TRIM6: variants seen among roughly 807,000 people sequenced by gnomAD.
TRIM6 encodes the protein tripartite motif-containing protein 6.
Under a neutral mutation model 51.2 loss-of-function variants are expected in TRIM6, and 43 were observed. The observed-to-expected ratio is 0.84, with a 90% CI of 0.66 to 1.08. The LOEUF is 1.08. TRIM6 is among the 50% of genes least tolerant of loss of function. The probability of loss-of-function intolerance (pLI) is 0.00; values close to 1 mark genes in which losing one functional copy is unlikely to be tolerated. For missense variants in TRIM6, 669 were observed against 619.0 expected (o/e 1.08, Z -0.86); for synonymous variants, 215 against 232.4 (o/e 0.93, Z 0.68).
rs577483608 is a variant in TRIM6, at chr11:5,599,375, C to G, written c.17+2461C>G. 4.1e-5 allele frequency among the ~76,000 whole-genome samples: 5 copies of G among 120,916 alleles called. No homozygotes were observed. In the Admixed American group the frequency reaches 4.8e-4, roughly 12 times the overall value. 79.3% of individuals were successfully genotyped at this position (120,916 alleles called of 152,430 possible). A position where few individuals can be genotyped will look rare whatever the true frequency, so the allele number is the denominator to read the frequency against. On this transcript the variant is annotated intron_variant, in intron 1 of 7. Coordinates refer to ENST00000380097, the MANE Select transcript of TRIM6 (RefSeq NM_001003818.3). ...TTTCAATTAAAATATAATACCAATACAATTATTATATTTATTTATTTATTT... is the reference window on the plus strand; with the variant it reads ...TTTCAATTAAAATATAATACCAATAGAATTATTATATTTATTTATTTATTT...
In TRIM6 at chr11:5,596,738, A is replaced by G. The variant is rs1847488655; in HGVS notation, c.-160A>G. ...AGGAGGGATCCCCTGCCTTTCTCGG[A>G]ACGGAACGGAGCAGAGTCGTGCGTG... On this transcript the variant is annotated 5_prime_UTR_variant, in exon 1 of 8. Coordinates refer to ENST00000380097, the MANE Select transcript of TRIM6 (RefSeq NM_001003818.3). 2.6e-6 allele frequency: 3 copies of G among 1,133,800 alleles called. No homozygotes were observed. Among genetic ancestry groups the G allele is most frequent in the Non-Finnish European group, 3.8e-6 (3 of 781,550 alleles). 70.2% of individuals were successfully genotyped at this position (1,133,800 alleles called of 1,614,324 possible).
chr11:5,602,233 G>A (rs1847906232), intron 1 of TRIM6, among the ~76,000 whole-genome samples: 1 of 152,066 alleles, frequency 6.6e-6, no homozygotes, highest in East Asian at 1.9e-4. Context: ...GAGGTCAGGA[G>A]ATCGAGACCA....
At chr11:5,600,838 A>G (rs926392844) in intron 1 of TRIM6, among the ~76,000 whole-genome samples, 2 of 152,196 alleles carry the variant, frequency 1.3e-5, no homozygotes, top group African/African-American at 4.8e-5. Flanking sequence ...TCACATAGGC[A>G]GTGTTAGCTG....
intron 5 of TRIM6, 42 bp from the exon 6 acceptor site, chr11:5,610,103 A>G (rs764345424): frequency 1.9e-6 from 3 of 1,610,272 alleles, no homozygotes; most frequent in Admixed American, 1.7e-5. Flanking sequence ...GGAGGAACCC[A>G]CAGTCAGCAG....
chr11:5,604,634 G>A lies in TRIM6; in HGVS notation c.603+5G>A. 1 of 1,609,650 alleles carries A rather than the reference G, an allele frequency of 6.2e-7. No homozygotes were observed. Among genetic ancestry groups the A allele is most frequent in the Non-Finnish European group, 8.5e-7 (1 of 1,178,342 alleles). On this transcript the variant is annotated splice_donor_5th_base_variant and intron_variant, in intron 3 of 7. Transcript: ENST00000380097. Reference sequence around the variant, plus strand: ...GAGAAGAAAACATCCTGGAAGGCAAGGGAGACTTTTTCTGAAGATGTCCTG... The same window carrying A: ...GAGAAGAAAACATCCTGGAAGGCAAAGGAGACTTTTTCTGAAGATGTCCTG...
rs927575328 is a variant in TRIM6, at chr11:5,610,043, G to T, written c.858-102G>T. 20 of 1,210,290 alleles carry T rather than the reference G, an allele frequency of 1.7e-5. No homozygotes were observed. The South Asian group carries it at 2.7e-4, about 16-fold the overall frequency. The allele number at this position is 1,210,290 out of a possible 1,614,324, so 75.0% of individuals were successfully genotyped here. A position where few individuals can be genotyped will look rare whatever the true frequency, so the allele number is the denominator to read the frequency against. On this transcript the variant is annotated intron_variant, in intron 5 of 7. Coordinates refer to ENST00000380097, the MANE Select transcript of TRIM6 (RefSeq NM_001003818.3). ...GAATGATGCTAAGTGTATTCAGAAA[G>T]GAGGATTGGAATTCATCAGTAGGCT...
Position 5,603,344 on chromosome 11 carries a change from A to C in TRIM6, c.116A>C (p.Glu39Ala). The stretch of plus-strand genomic sequence containing the variant: ...TCACCAGTACTGGTGGACATACGAG[A>C]AGAGGTGACCTGCCCTATCTGCCTG... ...MTSPVLVDIR[E>A]EVTCPICLEL... is the part of the protein sequence containing the mutation. Residue 39 changes from glutamate (E) to alanine (A), a missense_variant, in exon 2 of 8, where the codon GAA becomes GCA. Glu to Ala is a moderately radical substitution (Grantham distance 107, BLOSUM62 -1). Coordinates refer to ENST00000380097, the MANE Select transcript of TRIM6 (RefSeq NM_001003818.3). 1.2e-6 allele frequency: 2 copies of C among 1,613,876 alleles called. No homozygotes were observed. Among genetic ancestry groups the C allele is most frequent in the East Asian group, 2.2e-5 (1 of 44,846 alleles).
chr11:5,603,027 T>C (rs1847964074), intron 1 of TRIM6, among the ~76,000 whole-genome samples: 2 of 152,146 alleles, frequency 1.3e-5, no homozygotes, highest in African/African-American at 4.8e-5. Context: ...CCTCAGTTTG[T>C]CTCTATTCAA....
At chr11:5,598,050 C>T (rs552263532) in intron 1 of TRIM6, among the ~76,000 whole-genome samples, 83 of 152,224 alleles carry the variant, frequency 5.5e-4, no homozygotes, top group Admixed American at 1.2e-3. Context: ...TTAATTGGTC[C>T]CACCTGGTTG....
In TRIM6 at chr11:5,599,522, G is replaced by A. The variant is rs937369271; in HGVS notation, c.17+2608G>A. ...GGGTTCACGCCATTCTCCTGCCTCAGCCTCCCGAGTAGCTGGGACTACAGG... is the reference window on the plus strand; with the variant it reads ...GGGTTCACGCCATTCTCCTGCCTCAACCTCCCGAGTAGCTGGGACTACAGG... On this transcript the variant is annotated intron_variant, in intron 1 of 7. Coordinates refer to ENST00000380097, the MANE Select transcript of TRIM6 (RefSeq NM_001003818.3). Among the ~76,000 whole-genome samples, 6 of 152,002 alleles carry A rather than the reference G, an allele frequency of 3.9e-5. No individual in the cohort carries two copies. The East Asian group carries it at 9.6e-4, about 24-fold the overall frequency.
chr11:5,607,466 G>A (rs1848293516), intron 4 of TRIM6, among the ~76,000 whole-genome samples: 1 of 152,134 alleles, frequency 6.6e-6, no homozygotes, highest in Non-Finnish European at 1.5e-5. Flanking sequence ...AGAGAAAATA[G>A]TTAATCCTGT....
intron 1 of TRIM6, among the ~76,000 whole-genome samples, chr11:5,598,915 T>C (rs1847646034): frequency 1.3e-5 from 2 of 152,148 alleles, no homozygotes; most frequent in Admixed American, 6.5e-5. Context: ...AAAGGGCATT[T>C]CCCTTTATGT....
rs1848580203 is a variant in TRIM6 at position 5,611,562 on chromosome 11, T to A, written c.*220T>A. The A allele has an allele frequency of 2.1e-6, 1 of 472,610 alleles. No individual in the cohort carries two copies. The highest frequency in any genetic ancestry group is 3.7e-6 in the Non-Finnish European group (1 of 267,730). The allele number at this position is 472,610 out of a possible 1,614,324, so 29.3% of individuals were successfully genotyped here. On this transcript the variant is annotated 3_prime_UTR_variant, in exon 8 of 8. Transcript: ENST00000380097. ...TCTGCCTCCTGGGTTCAAGCGAACC[T>A]CCTGCCTCAGCATCCCAAGTAGCTG... is the stretch of plus-strand genomic sequence containing the variant.
At chr11:5,606,536 G>C (rs1848221869) in intron 4 of TRIM6, among the ~76,000 whole-genome samples, 1 of 151,946 alleles carries the variant, frequency 6.6e-6, no homozygotes, top group Non-Finnish European at 1.5e-5. Context: ...ATATTCTTGG[G>C]TCTTAGTATT....
chr11:5,607,271 A>G (rs1256890036), intron 4 of TRIM6, among the ~76,000 whole-genome samples: 1 of 152,220 alleles, frequency 6.6e-6, no homozygotes, highest in African/African-American at 2.4e-5. Flanking sequence ...AACATAAGAG[A>G]AGTAGCCACA....
chr11:5,604,582 G>C lies in TRIM6; in HGVS notation c.556G>C (p.Ala186Pro), dbSNP rs200045671. 1.9e-6 allele frequency: 3 copies of C among 1,613,328 alleles called. No individual in the cohort carries two copies. Among genetic ancestry groups the C allele is most frequent in the African/African-American group, 2.7e-5 (2 of 74,998 alleles). The change falls in exon 3 of 8, where the codon GCT becomes CCT. Residue 186 changes from alanine (A) to proline (P), a missense_variant. Ala to Pro is a conservative substitution (Grantham distance 27). Transcript: ENST00000380097. ...GAAGCTGAAGAACGAGGAGCAGGAA[G>C]CTGAGAAGCTAACAGCTTTTATCAG... The part of the protein sequence containing the change: ...LKKLKNEEQE[A>P]EKLTAFIREK...
Position 5,611,390 on chromosome 11 carries a change from C to A in TRIM6, c.*48C>A. ...TTCTGATAAGTACCCTGAGGCTTATCAGCATGTGATTCTCCCTTCTGATCT... is the reference window on the plus strand; with the variant it reads ...TTCTGATAAGTACCCTGAGGCTTATAAGCATGTGATTCTCCCTTCTGATCT... On this transcript the variant is annotated 3_prime_UTR_variant, in exon 8 of 8. Transcript: ENST00000380097. The A allele has an allele frequency of 7.1e-7, 1 of 1,400,272 alleles. No homozygotes were observed. Among genetic ancestry groups the A allele is most frequent in the South Asian group, 1.3e-5 (1 of 78,206 alleles). 86.7% of individuals were successfully genotyped at this position (1,400,272 alleles called of 1,614,324 possible).
chr11:5,599,089 T>G (rs746900964), intron 1 of TRIM6, among the ~76,000 whole-genome samples: 6 of 152,222 alleles, frequency 3.9e-5, no homozygotes, highest in Non-Finnish European at 5.9e-5. Context: ...TTGGGTTCTT[T>G]CACTTTGCAT....
At chr11:5,602,399 C>G (rs575743011) in intron 1 of TRIM6, among the ~76,000 whole-genome samples, 2 of 149,614 alleles carry the variant, frequency 1.3e-5, no homozygotes, top group Non-Finnish European at 3.0e-5. Flanking sequence ...GTCGAGATCA[C>G]GCCACTGCAC....
Sources: gnomAD v4.1 joint callset for allele counts (sites outside exome capture counted in the v4.1 genomes callset) on GRCh38, gnomAD v4.1.1 for gene constraint, MANE v1.5 for transcripts, NCBI Gene and HGNC (gene_info 2026-07-23, HGNC 2026-07-21) for gene names.